Variants in ZNF236 observed in about 807,000 individuals in gnomAD.
ZNF236 encodes regulated by glucose.
Under a neutral mutation model 191.2 loss-of-function variants are expected in ZNF236, and 50 were observed. That is an observed-to-expected ratio of 0.26 (90% CI 0.21 to 0.33). ZNF236 has a LOEUF of 0.33. Ranked by LOEUF, ZNF236 falls within the 10% of genes least tolerant of loss-of-function variation. ZNF236 has a pLI of 1.00. For missense variants in ZNF236, 1,754 were observed against 2,374.5 expected (o/e 0.74, Z 5.43); for synonymous variants, 907 against 928.8 (o/e 0.98, Z 0.43).
Position 76,826,918 on chromosome 18 carries a change from GAC to G in ZNF236, c.55+4258_55+4259del, listed in dbSNP as rs1250017603. On this transcript the variant is annotated intron_variant, in intron 1 of 30. Coordinates refer to ENST00000320610, the MANE Select transcript of ZNF236 (RefSeq NM_001306089.2). ...TTGTTTTTGTTTTTGTTTTTTTTGA[GAC>G]AGAGTTTTGCTCGTTGCCCAGGCTG... 2.8e-3 allele frequency among the ~76,000 whole-genome samples: 418 copies of G among 150,722 alleles called. 6 individuals carry two copies. The highest frequency in any genetic ancestry group is 1.0e-2 in the African/African-American group (405 of 40,516).
chr18:76,911,911 C>G (rs930097642), intron 16 of ZNF236, among the ~76,000 whole-genome samples: 1 of 152,074 alleles, frequency 6.6e-6, no homozygotes, highest in Admixed American at 6.5e-5. Flanking sequence ...ATTATACTCT[C>G]TGAAGGTGGG....
In ZNF236 at chr18:76,905,542, CAAGAAAA is replaced by C; in HGVS notation, c.2297+130_2297+136del. The C allele has an allele frequency of 3.7e-6, 3 of 817,794 alleles. No individual in the cohort carries two copies. In the African/African-American group the frequency reaches 6.2e-5, roughly 17 times the overall value. The allele number at this position is 817,794 out of a possible 1,614,324, so 50.7% of individuals were successfully genotyped here. ...ATTTCTAGCTCATACTATATGGGCTCAAGAAAAAAAAAAAAAAAAAAAAAAAAAGAAA... is the reference window on the plus strand; with the variant it reads ...ATTTCTAGCTCATACTATATGGGCTCAAAAAAAAAAAAAAAAAAAAAGAAA... On this transcript the variant is annotated intron_variant, in intron 13 of 30. Transcript: ENST00000320610.
intron 1 of ZNF236, among the ~76,000 whole-genome samples, chr18:76,832,324 G>T (rs1310479352): frequency 1.3e-5 from 2 of 152,052 alleles, no homozygotes; most frequent in East Asian, 3.9e-4. Context: ...CAGGTGGTCC[G>T]CCCACCTTGA....
chr18:76,825,675 A>G (rs942905780), intron 1 of ZNF236, among the ~76,000 whole-genome samples: 2 of 152,282 alleles, frequency 1.3e-5, no homozygotes, highest in African/African-American at 4.8e-5. Context: ...GACATTTTAA[A>G]TAAGTAAATA....
intron 27 of ZNF236, among the ~76,000 whole-genome samples, chr18:76,948,771 A>G (rs892751975): frequency 2.0e-5 from 3 of 152,156 alleles, no homozygotes; most frequent in African/African-American, 7.2e-5. Context: ...GTGGCCATGG[A>G]ATGCCCGCGT....
chr18:76,825,613 A>G (rs929965661), intron 1 of ZNF236, among the ~76,000 whole-genome samples: 1 of 152,076 alleles, frequency 6.6e-6, no homozygotes, highest in Non-Finnish European at 1.5e-5. Context: ...ATTCTTAACT[A>G]TTTTTGGGGA....
At chr18:76,879,830 C>T (rs529581955) in intron 7 of ZNF236, among the ~76,000 whole-genome samples, 5 of 152,110 alleles carry the variant, frequency 3.3e-5, no homozygotes, top group African/African-American at 7.2e-5. Flanking sequence ...TATGGGCTAA[C>T]AGGAAGGTGA....
Position 76,956,129 on chromosome 18 carries a change from A to T in ZNF236, c.5059A>T (p.Ile1687Phe). Residue 1687 changes from isoleucine (I) to phenylalanine (F), a missense_variant, in exon 28 of 31, where the codon ATC (isoleucine) becomes TTC (phenylalanine). Around this residue, in one of 5 missense-constraint regions of ZNF236, gnomAD observed 606 missense variants for 761.5 expected, o/e 0.80. Coordinates refer to ENST00000320610, the MANE Select transcript of ZNF236 (RefSeq NM_001306089.2). ...CAAGGAGGTGCATGGCCGGGAGCGC[A>T]TCCACGGCTGCCCCGTGTGCAGGAA... ...HSKEVHGRER[I>F]HGCPVCRKAF... 1 of 1,570,846 alleles carries T rather than the reference A, an allele frequency of 6.4e-7. No homozygotes were observed. The highest frequency in any genetic ancestry group is 2.1e-4 in the Middle Eastern group (1 of 4,704).
intron 25 of ZNF236, among the ~76,000 whole-genome samples, chr18:76,928,587 CT>C (rs1967768816): frequency 6.6e-6 from 1 of 152,138 alleles, no homozygotes; most frequent in South Asian, 2.1e-4. Flanking sequence ...AGGAAATACC[CT>C]TTGGCAGTAA....
Position 76,937,439 on chromosome 18 carries a change from A to AT in ZNF236, c.4782+104dup, listed in dbSNP as rs201033060. ...TCCTTCCTAAATAAATAGTCTGAGC[A>AT]TTTTTTTTCCCCAAAATCGAAGCAT... On this transcript the variant is annotated intron_variant, in intron 26 of 30. Coordinates refer to ENST00000320610, the MANE Select transcript of ZNF236 (RefSeq NM_001306089.2). 84 of 1,188,984 alleles carry AT rather than the reference A, an allele frequency of 7.1e-5. No individual in the cohort carries two copies. The Middle Eastern group carries it at 2.0e-3, about 28-fold the overall frequency. The allele number at this position is 1,188,984 out of a possible 1,614,324, so 73.7% of individuals were successfully genotyped here. A position where few individuals can be genotyped will look rare whatever the true frequency, so the allele number is the denominator to read the frequency against.
At position 76,868,095 on chromosome 18, in the gene ZNF236, G is replaced by A. The variant is rs150924868; in HGVS notation, c.364-590G>A. Among the ~76,000 whole-genome samples, 11 of 151,974 alleles carry A rather than the reference G, an allele frequency of 7.2e-5. 1 individual carries two copies. The South Asian group carries it at 1.2e-3, about 17-fold the overall frequency. On this transcript the variant is annotated intron_variant, in intron 3 of 30. Transcript: ENST00000320610. ...AGCTGTCATTCTTGTATTTTTGCTCGGAGTCTTTGAACTCCTGTGTGTGTG... is the reference window on the plus strand; with the variant it reads ...AGCTGTCATTCTTGTATTTTTGCTCAGAGTCTTTGAACTCCTGTGTGTGTG...
chr18:76,872,426 C>T (rs1171679310), intron 5 of ZNF236, among the ~76,000 whole-genome samples: 1 of 152,248 alleles, frequency 6.6e-6, no homozygotes, highest in Non-Finnish European at 1.5e-5. Context: ...GATCGTGCCA[C>T]TGCACTCCAG....
intron 3 of ZNF236, among the ~76,000 whole-genome samples, chr18:76,860,618 G>C (rs1298800270): frequency 6.6e-6 from 1 of 152,008 alleles, no homozygotes; most frequent in African/African-American, 2.4e-5. Flanking sequence ...TGGTCTCCTG[G>C]GTAGGACCAC....
At chr18:76,856,889 T>C (rs1361939684) in intron 3 of ZNF236, among the ~76,000 whole-genome samples, 1 of 152,188 alleles carries the variant, frequency 6.6e-6, no homozygotes, top group Non-Finnish European at 1.5e-5. Flanking sequence ...GCTTCCCAAT[T>C]CTAAAATTAT....
intron 3 of ZNF236, among the ~76,000 whole-genome samples, chr18:76,862,009 G>A (rs1040631489): frequency 3.3e-5 from 5 of 152,104 alleles, no homozygotes; most frequent in South Asian, 2.1e-4. Flanking sequence ...GACGACAGGC[G>A]CCCGTCACCA....
In ZNF236 at chr18:76,971,163, A is replaced by G. The variant is rs374419077; in HGVS notation, c.*2824A>G. Among the ~76,000 whole-genome samples, 73 of 152,382 alleles carry G rather than the reference A, an allele frequency of 4.8e-4. No homozygotes were observed. Among genetic ancestry groups the G allele is most frequent in the African/African-American group, 1.6e-3 (67 of 41,598 alleles). On this transcript the variant is annotated 3_prime_UTR_variant, in exon 31 of 31. Coordinates refer to ENST00000320610, the MANE Select transcript of ZNF236 (RefSeq NM_001306089.2). ...TGCAGGTACTGAGGAAGCAGGAGGCATGTAGCATGTGTGGAGTCCCACCTG... is the reference window on the plus strand; with the variant it reads ...TGCAGGTACTGAGGAAGCAGGAGGCGTGTAGCATGTGTGGAGTCCCACCTG...
At position 76,925,569 on chromosome 18, in the gene ZNF236, G is replaced by C. The variant is rs375658930; in HGVS notation, c.4027+15G>C. ...CTCTGTGTCAGGTAAACGCTGAGCC[G>C]AGGGAATGAGAGCAGCACAGTGATT... On this transcript the variant is annotated intron_variant, in intron 22 of 30. Transcript: ENST00000320610. The surrounding 1 kb of genome is among the most constrained non-coding windows in gnomAD (Gnocchi z 5.7). 5.0e-6 allele frequency: 8 copies of C among 1,606,194 alleles called. No homozygotes were observed. The highest frequency in any genetic ancestry group is 6.8e-6 in the Non-Finnish European group (8 of 1,178,702).
In ZNF236 at chr18:76,937,159, T is replaced by C; in HGVS notation, c.4598T>C (p.Leu1533Pro). 6.2e-7 allele frequency: 1 copy of C among 1,613,600 alleles called. No individual in the cohort carries two copies. The highest frequency in any genetic ancestry group is 1.1e-5 in the South Asian group (1 of 91,048). The change falls in exon 26 of 31, where the codon CTT (leucine) becomes CCT (proline). Residue 1533 changes from leucine (L) to proline (P), a missense_variant. This residue lies in a region of ZNF236 where 606 missense variants were observed against 761.5 expected (regional missense o/e 0.80). Transcript: ENST00000320610. ...ACTTACTTTGCCTCTTTTGTAGAACTTAACACTACAAGCGGAAGCCTTCCT... is the reference window on the plus strand; with the variant it reads ...ACTTACTTTGCCTCTTTTGTAGAACCTAACACTACAAGCGGAAGCCTTCCT... The part of the protein sequence containing the change: ...PQEITLTISE[L>P]NTTSGSLPST...
intron 1 of ZNF236, among the ~76,000 whole-genome samples, chr18:76,828,134 A>C (rs1975067132): frequency 6.6e-6 from 1 of 151,484 alleles, no homozygotes; most frequent in African/African-American, 2.4e-5. Context: ...AAGGGGAGGC[A>C]CCACCAGTGT....
Sources: allele counts gnomAD v4.1 joint callset (sites outside exome capture counted in the v4.1 genomes callset), GRCh38; gene constraint gnomAD v4.1.1; regional missense constraint gnomAD v4.1.1; non-coding constraint Gnocchi (gnomAD v3.1); transcripts MANE v1.5; gene names NCBI Gene and HGNC (gene_info 2026-07-23, HGNC 2026-07-21).